Variants in GPHN observed in about 807,000 individuals in gnomAD.
GPHN encodes the protein gephyrin.
GPHN carries 17 observed loss-of-function variants against 95.5 expected under a neutral mutation model. The ratio of observed to expected loss-of-function variants is 0.18; its 90% CI spans 0.12 to 0.27. The LOEUF (loss-of-function observed/expected upper bound fraction) is 0.27. Among genes scored for constraint, GPHN ranks in the 10% least tolerant of loss-of-function variants. The probability of loss-of-function intolerance (pLI) is 1.00; values close to 1 mark genes in which losing one functional copy is unlikely to be tolerated. For missense variants in GPHN, 660 were observed against 978.1 expected (o/e 0.67, Z 4.34); for synonymous variants, 320 against 322.5 (o/e 0.99, Z 0.08).
At chr14:67,545,536 T>C in the GPHN span, among the ~76,000 whole-genome samples, 2 of 151,480 alleles carry the variant, frequency 1.3e-5, no homozygotes, top group African/African-American at 4.9e-5. Context: ...AAATAATATA[T>C]CAAAAAAAGG....
chr14:66,780,115 G>A (rs1169845018), intron 3 of GPHN, among the ~76,000 whole-genome samples: 2 of 152,168 alleles, frequency 1.3e-5, no homozygotes, highest in African/African-American at 2.4e-5. Flanking sequence ...TTCTGGCTTG[G>A]GAAATTGAGT....
At chr14:67,607,136 T>C in the GPHN span, among the ~76,000 whole-genome samples, 2 of 151,990 alleles carry the variant, frequency 1.3e-5, no homozygotes, top group Non-Finnish European at 2.9e-5. Context: ...TATATATAAC[T>C]CTTAATTAAG....
the GPHN span, among the ~76,000 whole-genome samples, chr14:67,612,144 C>T: frequency 6.6e-5 from 10 of 152,178 alleles, no homozygotes; most frequent in South Asian, 1.0e-3. Context: ...AAGCTTCACT[C>T]GCTTGCTTGC....
the GPHN span, among the ~76,000 whole-genome samples, chr14:67,197,559 C>T: frequency 6.6e-6 from 1 of 152,050 alleles, no homozygotes; most frequent in African/African-American, 2.4e-5. Flanking sequence ...CAGCAGGGAC[C>T]AGTGTTGTGG....
At chr14:66,727,824 G>A (rs2071386952) in intron 2 of GPHN, among the ~76,000 whole-genome samples, 1 of 152,188 alleles carries the variant, frequency 6.6e-6, no homozygotes, top group Non-Finnish European at 1.5e-5. Context: ...ATTTTCTGAG[G>A]AGAAATTCAA....
chr14:67,174,526 T>C (rs961356501), intron 21 of GPHN, among the ~76,000 whole-genome samples: 1 of 152,214 alleles, frequency 6.6e-6, no homozygotes, highest in Non-Finnish European at 1.5e-5. Flanking sequence ...CTGTGAATAG[T>C]GTCGCGATAA....
At chr14:66,835,003 A>T (rs1471551732) in intron 4 of GPHN, among the ~76,000 whole-genome samples, 1 of 146,990 alleles carries the variant, frequency 6.8e-6, no homozygotes, top group East Asian at 2.0e-4. Context: ...TGTGTCAAGG[A>T]ATTTATCCAT....
At position 66,516,069 on chromosome 14, in the gene GPHN, C is replaced by T. The variant is rs184722846; in HGVS notation, c.64+7478C>T. On this transcript the variant is annotated intron_variant, in intron 1 of 22. Coordinates refer to ENST00000478722, the MANE Select transcript of GPHN (RefSeq NM_020806.5). ...TCGCCCAGGCTGGAATGCAGTGGTG[C>T]GATCTCAGCTTGCTGCAACCTCTGC... is the stretch of plus-strand genomic sequence containing the variant. 3.6e-3 allele frequency among the ~76,000 whole-genome samples: 548 copies of T among 151,376 alleles called. 2 individuals carry two copies. Among genetic ancestry groups the T allele is most frequent in the Non-Finnish European group, 5.8e-3 (393 of 67,874 alleles).
the GPHN span, among the ~76,000 whole-genome samples, chr14:67,687,380 T>C: frequency 1.3e-5 from 2 of 151,556 alleles, no homozygotes; most frequent in African/African-American, 2.4e-5. Context: ...AACCTACCAA[T>C]GGTAACCTTC....
intron 3 of GPHN, among the ~76,000 whole-genome samples, chr14:66,813,233 A>T (rs543442204): frequency 1.6e-4 from 24 of 152,358 alleles, no homozygotes; most frequent in African/African-American, 5.8e-4. Context: ...ATTCAAACAA[A>T]TGACAACAAA....
chr14:67,375,067 G>A, the GPHN span, among the ~76,000 whole-genome samples: 2 of 152,292 alleles, frequency 1.3e-5, no homozygotes, highest in South Asian at 2.1e-4. Context: ...CTCCACTAGC[G>A]TGTTAGGATT....
chr14:67,632,075 G>A, the GPHN span, among the ~76,000 whole-genome samples: 9 of 151,740 alleles, frequency 5.9e-5, no homozygotes, highest in Admixed American at 5.9e-4. Context: ...TTTTAGAGAT[G>A]AGGTCTCACT....
intron 9 of GPHN, among the ~76,000 whole-genome samples, chr14:66,985,987 C>G (rs1220365601): frequency 1.3e-5 from 2 of 152,092 alleles, no homozygotes; most frequent in Non-Finnish European, 2.9e-5. Context: ...GAAAGGGCAA[C>G]TGCCTCATTA....
chr14:67,508,698 G>A, the GPHN span, among the ~76,000 whole-genome samples: 2 of 138,686 alleles, frequency 1.4e-5, no homozygotes, highest in African/African-American at 5.2e-5. Flanking sequence ...AGGCTTCATT[G>A]AGCTGGGATT....
At chr14:67,394,228 TA>T in the GPHN span, among the ~76,000 whole-genome samples, 11 of 152,168 alleles carry the variant, frequency 7.2e-5, no homozygotes, top group Non-Finnish European at 1.5e-4. Context: ...GTGTGACTTT[TA>T]ACTTACAAAC....
chr14:66,879,832 G>T (rs1211735503), intron 4 of GPHN, 107 bp from the exon 5 acceptor site: 1 of 744,750 alleles, frequency 1.3e-6, no homozygotes, highest in Non-Finnish European at 2.4e-6. Flanking sequence ...TAAAAGTATG[G>T]TTATTGAAAG....
At chr14:66,811,557 A>G (rs1340295314) in intron 3 of GPHN, among the ~76,000 whole-genome samples, 3 of 140,250 alleles carry the variant, frequency 2.1e-5, no homozygotes, top group Non-Finnish European at 4.4e-5. Flanking sequence ...AAAAAAAAAA[A>G]AAAGAAACAA....
chr14:67,729,788 C>T, the GPHN span: 2 of 500,096 alleles, frequency 4.0e-6, no homozygotes, highest in Middle Eastern at 3.2e-4. Context: ...GGTGTGAACT[C>T]TGTCCCTCAA....
At chr14:67,006,879 T>C (rs1371034430) in intron 9 of GPHN, among the ~76,000 whole-genome samples, 1 of 152,216 alleles carries the variant, frequency 6.6e-6, no homozygotes, top group Non-Finnish European at 1.5e-5. Flanking sequence ...GCTCAGAGTC[T>C]GAAATACTTT....
Sources: gnomAD v4.1 joint callset for allele counts (sites outside exome capture counted in the v4.1 genomes callset) on GRCh38, gnomAD v4.1.1 for gene constraint, MANE v1.5 for transcripts, NCBI Gene and HGNC (gene_info 2026-07-23, HGNC 2026-07-21) for gene names.